The following CTNNA2 variants were observed in gnomAD, a reference collection of about 807,000 sequenced individuals.
CTNNA2 encodes the protein catenin alpha 2.
Under a neutral mutation model 101.0 loss-of-function variants are expected in CTNNA2, and 42 were observed. That is an observed-to-expected ratio of 0.42 (90% confidence interval 0.32 to 0.54). The LOEUF (loss-of-function observed/expected upper bound fraction) is 0.54. Ranked by LOEUF, CTNNA2 falls within the 20% of genes least tolerant of loss-of-function variation. CTNNA2 has a pLI of 0.14. For synonymous variants in CTNNA2, 450 were observed against 456.4 expected (o/e 0.99, Z 0.18); for missense variants, 871 against 1,223.1 (o/e 0.71, Z 4.29).
At chr2:79,786,208 G>A (rs1230768521) in intron 3 of CTNNA2, among the ~76,000 whole-genome samples, 1 of 151,976 alleles carries the variant, frequency 6.6e-6, no homozygotes, top group Non-Finnish European at 1.5e-5. Context: ...AAGTAGAAAA[G>A]CAGAATAAAG....
chr2:79,827,264 C>G lies in CTNNA2; in HGVS notation c.299-30749C>G, dbSNP rs144433613. Among the ~76,000 whole-genome samples, 302 of 152,240 alleles carry G rather than the reference C, an allele frequency of 2.0e-3. 10 individuals are homozygous for G. In the East Asian group the frequency reaches 0.052, roughly 26 times the overall value. ...ACATTGGCCAGGCTGTCTCAAACTC[C>G]TGACCTCAGGTGATCCACCCGCCTC... On this transcript the variant is annotated intron_variant, in intron 3 of 18. Transcript: ENST00000402739.
At chr2:80,010,279 G>T (rs942178527) in intron 7 of CTNNA2, among the ~76,000 whole-genome samples, 1 of 152,104 alleles carries the variant, frequency 6.6e-6, no homozygotes, top group Non-Finnish European at 1.5e-5. Flanking sequence ...CCTTTCAGCA[G>T]TCCTCATTAA....
chr2:79,652,200 G>C (rs545761410), intron 2 of CTNNA2, among the ~76,000 whole-genome samples: 14 of 149,370 alleles, frequency 9.4e-5, no homozygotes, highest in African/African-American at 3.2e-4. Flanking sequence ...TGTTAAGCAT[G>C]CTCTTTGCTA....
intron 4 of CTNNA2, among the ~76,000 whole-genome samples, chr2:79,427,779 T>G (rs1678608592): frequency 6.6e-6 from 1 of 152,100 alleles, no homozygotes; most frequent in Non-Finnish European, 1.5e-5. Context: ...TTTTATTCAT[T>G]TTCTGTCATC....
chr2:79,718,310 A>G (rs1038574144), intron 2 of CTNNA2, among the ~76,000 whole-genome samples: 1 of 152,216 alleles, frequency 6.6e-6, no homozygotes, highest in Non-Finnish European at 1.5e-5. Flanking sequence ...GAATGATCAT[A>G]TTCAGTATAT....
intron 7 of CTNNA2, among the ~76,000 whole-genome samples, chr2:79,982,529 T>A (rs1270933010): frequency 2.0e-5 from 3 of 150,100 alleles, no homozygotes; most frequent in Non-Finnish European, 4.4e-5. Flanking sequence ...ATATATATAT[T>A]TTGTAGAAAT....
chr2:80,393,063 C>T, intron 7 of CTNNA2, 148 bp from the exon 8 acceptor site: 2 of 550,846 alleles, frequency 3.6e-6, no homozygotes, highest in Non-Finnish European at 6.3e-6. Context: ...ACTTTAGAGA[C>T]CAAATCATGT....
intron 2 of CTNNA2, among the ~76,000 whole-genome samples, chr2:79,309,597 G>T (rs1199402683): frequency 3.4e-5 from 5 of 148,086 alleles, no homozygotes; most frequent in African/African-American, 1.3e-4. Flanking sequence ...TTAACATCAG[G>T]TTACTTCAGG....
intron 7 of CTNNA2, among the ~76,000 whole-genome samples, chr2:80,075,139 T>C (rs17018591): frequency 0.056 from 8,579 of 152,184 alleles, 784 homozygotes; most frequent in African/African-American, 0.19. Flanking sequence ...CTTTTGTCTG[T>C]CCTGGGAAGG....
At chr2:79,725,578 T>G (rs7558324) in intron 2 of CTNNA2, among the ~76,000 whole-genome samples, 12,720 of 152,140 alleles carry the variant, frequency 0.084, 692 homozygotes, top group African/African-American at 0.15. Context: ...GTTCTGAGAG[T>G]TTTTTTGGAT....
intron 1 of CTNNA2, chr2:79,573,852 T>C (rs1244109489): frequency 6.6e-6 from 1 of 152,176 alleles, no homozygotes; most frequent in Non-Finnish European, 1.5e-5. Context: ...ATTACAGAAA[T>C]AACCTACCAG....
At chr2:80,577,944 C>T (rs568753854) in intron 13 of CTNNA2, among the ~76,000 whole-genome samples, 13 of 152,296 alleles carry the variant, frequency 8.5e-5, no homozygotes, top group African/African-American at 2.4e-4. Context: ...CACCGGGACT[C>T]ATTTGTAAAA....
At chr2:79,627,107 T>C (rs1558782533) in intron 1 of CTNNA2, among the ~76,000 whole-genome samples, 1 of 152,178 alleles carries the variant, frequency 6.6e-6, no homozygotes, top group Admixed American at 6.5e-5. Flanking sequence ...GCTCTGGGAA[T>C]GCGTTTTAGC....
chr2:80,143,542 C>A (rs920982298), intron 7 of CTNNA2, among the ~76,000 whole-genome samples: 10 of 152,100 alleles, frequency 6.6e-5, no homozygotes, highest in African/African-American at 2.4e-4. Context: ...TTCGTCCTAA[C>A]TGAAACTTCA....
intron 3 of CTNNA2, among the ~76,000 whole-genome samples, chr2:79,767,435 GAGTT>G (rs1023010269): frequency 3.9e-5 from 6 of 152,142 alleles, no homozygotes; most frequent in Admixed American, 1.3e-4. Context: ...AGACATTGAA[GAGTT>G]AGTTATTTAT....
chr2:79,189,413 T>C (rs1673823424), intron 1 of CTNNA2, among the ~76,000 whole-genome samples: 1 of 152,204 alleles, frequency 6.6e-6, no homozygotes, highest in Non-Finnish European at 1.5e-5. Context: ...ACCATATTAT[T>C]TCCATCCTTC....
At chr2:80,600,728 G>T (rs961640624) in intron 15 of CTNNA2, among the ~76,000 whole-genome samples, 2 of 151,850 alleles carry the variant, frequency 1.3e-5, no homozygotes, top group Non-Finnish European at 2.9e-5. Flanking sequence ...GCCACTTTCC[G>T]CCTCCTTCTG....
intron 7 of CTNNA2, among the ~76,000 whole-genome samples, chr2:80,022,423 A>G (rs62141398): frequency 0.15 from 22,670 of 152,118 alleles, 2,035 homozygotes; most frequent in South Asian, 0.32. Flanking sequence ...TTAAACACAA[A>G]CAAGGGTGGG....
intron 2 of CTNNA2, among the ~76,000 whole-genome samples, chr2:79,727,596 C>G (rs1285508665): frequency 2.0e-5 from 3 of 151,286 alleles, no homozygotes; most frequent in Non-Finnish European, 4.4e-5. Flanking sequence ...TATTATTATA[C>G]TTTAAGTTTT....
Sources: allele counts gnomAD v4.1 joint callset (sites outside exome capture counted in the v4.1 genomes callset), GRCh38; gene constraint gnomAD v4.1.1; transcripts MANE v1.5; gene names NCBI Gene and HGNC (gene_info 2026-07-23, HGNC 2026-07-21).